The following RAB28 variants were observed in gnomAD, a reference collection of about 807,000 sequenced individuals.
RAB28 encodes ras-related protein Rab-28.
RAB28 carries 24 observed loss-of-function variants against 31.7 expected under a neutral mutation model. The observed-to-expected ratio is 0.76, with a 90% confidence interval of 0.55 to 1.06. The LOEUF is 1.06. Ranked by LOEUF, RAB28 falls within the 50% of genes least tolerant of loss-of-function variation. The probability of loss-of-function intolerance (pLI) is 0.00; values close to 1 mark genes in which losing one functional copy is unlikely to be tolerated. For synonymous variants in RAB28, 100 were observed against 90.4 expected (o/e 1.11, Z -0.60); for missense variants, 254 against 258.5 (o/e 0.98, Z 0.12).
intron 4 of RAB28, among the ~76,000 whole-genome samples, chr4:13,403,526 TCAG>T (rs1320539016): frequency 6.6e-6 from 1 of 152,210 alleles, no homozygotes; most frequent in African/African-American, 2.4e-5. Context: ...TTTGCTAACT[TCAG>T]CAGTTTTATT....
chr4:13,445,525 T>C (rs544181898), intron 4 of RAB28, among the ~76,000 whole-genome samples: 2 of 152,214 alleles, frequency 1.3e-5, no homozygotes, highest in Non-Finnish European at 2.9e-5. Flanking sequence ...TTTGAGGCTG[T>C]TGATCTGTGG....
intron 3 of RAB28, among the ~76,000 whole-genome samples, chr4:13,461,682 G>A (rs185091701): frequency 2.1e-4 from 32 of 152,192 alleles, no homozygotes; most frequent in African/African-American, 7.7e-4. Flanking sequence ...TATTTTGTGT[G>A]GGAAGGAGAA....
intron 4 of RAB28, among the ~76,000 whole-genome samples, chr4:13,404,138 G>A (rs1711933775): frequency 6.6e-6 from 1 of 152,186 alleles, no homozygotes; most frequent in African/African-American, 2.4e-5. Flanking sequence ...CAGCACTGTG[G>A]GAGGCCAAGG....
intron 4 of RAB28, among the ~76,000 whole-genome samples, chr4:13,440,096 A>T (rs1379052563): frequency 6.6e-6 from 1 of 152,190 alleles, no homozygotes; most frequent in Non-Finnish European, 1.5e-5. Flanking sequence ...AAAGTATCTA[A>T]ATCAAAACCT....
chr4:13,390,453 A>G (rs1729576038), intron 4 of RAB28, among the ~76,000 whole-genome samples: 1 of 152,148 alleles, frequency 6.6e-6, no homozygotes, highest in Non-Finnish European at 1.5e-5. Context: ...ATGCTCAGGG[A>G]TAGGAAGAAT....
At chr4:13,444,278 CAGCCTCCCAAAGTGTTGGGATT>C (rs1404982839) in intron 4 of RAB28, among the ~76,000 whole-genome samples, 1 of 152,144 alleles carries the variant, frequency 6.6e-6, no homozygotes, top group African/African-American at 2.4e-5. Flanking sequence ...CCACCCGCCT[CAGCCTCCCAAAGTGTTGGGATT>C]ACAGACTTGA....
intron 6 of RAB28, among the ~76,000 whole-genome samples, chr4:13,375,974 A>G (rs1728907516): frequency 6.6e-6 from 1 of 152,160 alleles, no homozygotes; most frequent in African/African-American, 2.4e-5. Flanking sequence ...CTTCTGAAGC[A>G]TAACTTTATA....
chr4:13,457,251 T>C (rs762993316), intron 4 of RAB28, among the ~76,000 whole-genome samples: 7 of 152,162 alleles, frequency 4.6e-5, no homozygotes, highest in Non-Finnish European at 5.9e-5. Flanking sequence ...TCTTTGTTAA[T>C]TGTATTGCCT....
chr4:13,371,578 C>T, intron 6 of RAB28: 3 of 985,296 alleles, frequency 3.0e-6, no homozygotes, highest in Non-Finnish European at 3.6e-6. Context: ...CAGCATCATT[C>T]TCAGGGGCTT....
chr4:13,416,915 A>G (rs1366010951), intron 4 of RAB28, among the ~76,000 whole-genome samples: 1 of 152,224 alleles, frequency 6.6e-6, no homozygotes, highest in Non-Finnish European at 1.5e-5. Context: ...ATGGATGGCA[A>G]GCCGAAGCAG....
intron 1 of RAB28, among the ~76,000 whole-genome samples, chr4:13,480,603 C>A (rs1157160914): frequency 6.6e-6 from 1 of 151,824 alleles, no homozygotes; most frequent in African/African-American, 2.4e-5. Flanking sequence ...TTAGCAAGAT[C>A]ATCTAAAATT....
intron 4 of RAB28, among the ~76,000 whole-genome samples, chr4:13,439,074 C>T (rs1254562987): frequency 6.6e-6 from 1 of 152,036 alleles, no homozygotes; most frequent in African/African-American, 2.4e-5. Flanking sequence ...TGTATATCTT[C>T]TCTAGGGAAA....
intron 4 of RAB28, among the ~76,000 whole-genome samples, chr4:13,415,899 C>G (rs934309719): frequency 3.9e-5 from 6 of 152,232 alleles, no homozygotes; most frequent in Non-Finnish European, 7.3e-5. Context: ...ATTGTAAATA[C>G]ACCAATCGGC....
At chr4:13,450,019 T>C (rs1285555918) in intron 4 of RAB28, among the ~76,000 whole-genome samples, 4 of 151,990 alleles carry the variant, frequency 2.6e-5, no homozygotes, top group South Asian at 2.1e-4. Flanking sequence ...TTATAAAACA[T>C]TGAACTTAAA....
At chr4:13,406,352 T>C (rs1452540215) in intron 4 of RAB28, among the ~76,000 whole-genome samples, 3 of 152,334 alleles carry the variant, frequency 2.0e-5, no homozygotes, top group South Asian at 2.1e-4. Context: ...CATGGCTGCA[T>C]AGTATTCCAT....
chr4:13,381,837 C>G (rs1729145469), intron 4 of RAB28, among the ~76,000 whole-genome samples: 1 of 151,144 alleles, frequency 6.6e-6, no homozygotes, highest in South Asian at 2.1e-4. Context: ...GCACAAAGAC[C>G]AGCACAGAAG....
chr4:13,416,341 G>T (rs1370435773), intron 4 of RAB28, among the ~76,000 whole-genome samples: 4 of 152,274 alleles, frequency 2.6e-5, no homozygotes, highest in South Asian at 4.2e-4. Flanking sequence ...AAACCCACCA[G>T]AAGGAAGAAA....
intron 4 of RAB28, among the ~76,000 whole-genome samples, chr4:13,430,045 T>C (rs530984105): frequency 6.6e-6 from 1 of 152,284 alleles, no homozygotes; most frequent in African/African-American, 2.4e-5. Context: ...CTGTAGTCAA[T>C]TGATTTTTGA....
At chr4:13,450,224 A>T (rs557286587) in intron 4 of RAB28, among the ~76,000 whole-genome samples, 1 of 152,010 alleles carries the variant, frequency 6.6e-6, no homozygotes, top group African/African-American at 2.4e-5. Flanking sequence ...GATTTCTAAC[A>T]TATATGTAAA....
Sources: allele counts gnomAD v4.1 joint callset (sites outside exome capture counted in the v4.1 genomes callset), GRCh38; gene constraint gnomAD v4.1.1; transcripts MANE v1.5; gene names NCBI Gene and HGNC (gene_info 2026-07-23, HGNC 2026-07-21).